The following FAM78B variants were observed in gnomAD, a reference collection of about 807,000 sequenced individuals.
FAM78B encodes protein FAM78B.
Under a neutral mutation model 20.0 loss-of-function variants are expected in FAM78B, and 10 were observed. The observed-to-expected ratio is 0.50, with a 90% CI of 0.31 to 0.85. The LOEUF is 0.85. FAM78B is among the 40% of genes least tolerant of loss of function. The pLI is 0.05. For missense variants in FAM78B, 283 were observed against 345.0 expected (o/e 0.82, Z 1.42); for synonymous variants, 135 against 132.8 (o/e 1.02, Z -0.12).
At chr1:166,067,901 T>G (rs1474215236), downstream of FAM78B, among the ~76,000 whole-genome samples, 1 of 152,200 alleles carries the variant, frequency 6.6e-6, no homozygotes. Context: ...TGAAAAACTG[T>G]GATTTTTCAT....
chr1:166,071,168 T>C (rs1571131204), intron 1 of FAM78B, among the ~76,000 whole-genome samples: 1 of 152,214 alleles, frequency 6.6e-6, no homozygotes, highest in African/African-American at 2.4e-5. Context: ...TGAAATTCGA[T>C]GTACTTGGAA....
chr1:166,108,638 T>C (rs568075312), intron 1 of FAM78B, among the ~76,000 whole-genome samples: 5 of 152,166 alleles, frequency 3.3e-5, no homozygotes, highest in Admixed American at 3.3e-4. Flanking sequence ...ACTATCATTC[T>C]TCACAGAACT....
chr1:166,096,529 A>G (rs932578549), intron 1 of FAM78B, among the ~76,000 whole-genome samples: 9 of 152,314 alleles, frequency 5.9e-5, no homozygotes, highest in Admixed American at 5.9e-4. Flanking sequence ...CTTGCTCCAT[A>G]ATAGATCTCA....
At chr1:166,124,445 C>T (rs61835098) in intron 1 of FAM78B, among the ~76,000 whole-genome samples, 2 of 152,222 alleles carry the variant, frequency 1.3e-5, no homozygotes, top group African/African-American at 2.4e-5. Flanking sequence ...TATTTTAATT[C>T]ACTTGCTCCC....
At chr1:166,118,763 C>T (rs954170600) in intron 1 of FAM78B, among the ~76,000 whole-genome samples, 2 of 152,054 alleles carry the variant, frequency 1.3e-5, no homozygotes, top group South Asian at 4.1e-4. Context: ...AAAACTGAGG[C>T]CTTCAAAGTA....
intron 1 of FAM78B, among the ~76,000 whole-genome samples, chr1:166,130,907 T>TAAGCTTG: frequency 6.6e-6 from 1 of 151,334 alleles, no homozygotes; most frequent in East Asian, 1.9e-4. Context: ...CTGTCATTAC[T>TAAGCTTG]AAGCTTGGCC....
chr1:166,163,045 T>C (rs1656212874), intron 1 of FAM78B, among the ~76,000 whole-genome samples: 1 of 152,224 alleles, frequency 6.6e-6, no homozygotes, highest in Non-Finnish European at 1.5e-5. Context: ...CGTCTTATAA[T>C]GAGAAGCAGT....
downstream of FAM78B, among the ~76,000 whole-genome samples, chr1:166,065,193 G>A (rs1310918976): frequency 6.6e-6 from 1 of 152,202 alleles, no homozygotes; most frequent in African/African-American, 2.4e-5. Flanking sequence ...ATTTAACCAG[G>A]GAGAGAATGT....
chr1:166,082,255 A>C (rs1652612803), intron 1 of FAM78B, among the ~76,000 whole-genome samples: 1 of 151,858 alleles, frequency 6.6e-6, no homozygotes, highest in Non-Finnish European at 1.5e-5. Context: ...AGCAACTTCA[A>C]CTTTTTTCAC....
At position 166,108,015 on chromosome 1, in the gene FAM78B, C is replaced by A. The variant is rs190962682; in HGVS notation, c.264-37252G>T. ...ACCTTAATGTAATAAAAACCATCTACGACAAACCCACAGCCAACATAATAC... is the reference window on the plus strand; with the variant it reads ...ACCTTAATGTAATAAAAACCATCTAAGACAAACCCACAGCCAACATAATAC... On this transcript the variant is annotated intron_variant, in intron 1 of 1. Coordinates refer to ENST00000354422, the MANE Select transcript of FAM78B (RefSeq NM_001017961.5). Among the ~76,000 whole-genome samples the A allele has an allele frequency of 3.5e-4, 53 of 152,190 alleles. 2 individuals are homozygous for A. The South Asian group carries it at 7.9e-3, about 23-fold the overall frequency.
chr1:166,100,906 C>T (rs1465040995), intron 1 of FAM78B, among the ~76,000 whole-genome samples: 1 of 152,210 alleles, frequency 6.6e-6, no homozygotes, highest in Admixed American at 6.5e-5. Context: ...CAAGTGGGTC[C>T]CTAACCCCCT....
chr1:166,113,420 A>G (rs2101760947), intron 1 of FAM78B, among the ~76,000 whole-genome samples: 1 of 152,360 alleles, frequency 6.6e-6, no homozygotes, highest in South Asian at 2.1e-4. Context: ...AACTATGAAG[A>G]TTAAATTAAA....
At chr1:166,113,339 T>G (rs1178863749) in intron 1 of FAM78B, among the ~76,000 whole-genome samples, 2 of 152,354 alleles carry the variant, frequency 1.3e-5, no homozygotes, top group Admixed American at 1.3e-4. Flanking sequence ...TGCAGGTGCA[T>G]GTTCAGATTA....
At chr1:166,104,906 A>C (rs1653704677) in intron 1 of FAM78B, among the ~76,000 whole-genome samples, 1 of 152,210 alleles carries the variant, frequency 6.6e-6, no homozygotes, top group Non-Finnish European at 1.5e-5. Context: ...AGTCAATCCT[A>C]AGCAAAAAGA....
At chr1:166,094,381 C>A (rs1390285339) in intron 1 of FAM78B, among the ~76,000 whole-genome samples, 1 of 152,182 alleles carries the variant, frequency 6.6e-6, no homozygotes, top group Non-Finnish European at 1.5e-5. Context: ...ATGTAGGGCT[C>A]AGTCTCATGC....
intron 1 of FAM78B, among the ~76,000 whole-genome samples, chr1:166,113,678 T>C (rs775729045): frequency 1.3e-5 from 2 of 152,210 alleles, no homozygotes; most frequent in African/African-American, 2.4e-5. Context: ...TGTCCTGCCA[T>C]AGTGTCCCAG....
chr1:166,103,009 A>G (rs561286678), intron 1 of FAM78B, among the ~76,000 whole-genome samples: 1 of 152,138 alleles, frequency 6.6e-6, no homozygotes, highest in Non-Finnish European at 1.5e-5. Flanking sequence ...ACAGTGTCTC[A>G]GACCACAGTG....
chr1:166,124,821 G>A (rs546996573), intron 1 of FAM78B, among the ~76,000 whole-genome samples: 22 of 152,298 alleles, frequency 1.4e-4, no homozygotes, highest in South Asian at 6.2e-4. Flanking sequence ...CCTTGGAAGC[G>A]GGATCATAGA....
intron 1 of FAM78B, among the ~76,000 whole-genome samples, chr1:166,150,422 A>C (rs1179728608): frequency 5.9e-5 from 9 of 152,228 alleles, no homozygotes; most frequent in Non-Finnish European, 1.3e-4. Flanking sequence ...GAGGAACAGA[A>C]GAATATAGTA....
Sources: allele counts gnomAD v4.1 joint callset (sites outside exome capture counted in the v4.1 genomes callset), GRCh38; gene constraint gnomAD v4.1.1; transcripts MANE v1.5; gene names NCBI Gene and HGNC (gene_info 2026-07-23, HGNC 2026-07-21).